TBC1D22A: variants seen among roughly 807,000 people sequenced by gnomAD.
TBC1D22A encodes the protein TBC1 domain family member 22A.
Under a neutral mutation model 60.2 loss-of-function variants are expected in TBC1D22A, and 38 were observed. The ratio of observed to expected loss-of-function variants is 0.63; its 90% CI spans 0.49 to 0.83. The LOEUF (loss-of-function observed/expected upper bound fraction) is 0.83. Among genes scored for constraint, TBC1D22A ranks in the 40% least tolerant of loss-of-function variants. The pLI is 0.00. For missense variants in TBC1D22A, 628 were observed against 701.0 expected (o/e 0.90, Z 1.18); for synonymous variants, 302 against 281.7 (o/e 1.07, Z -0.72).
chr22:46,829,012 A>G (rs896310895), intron 4 of TBC1D22A, among the ~76,000 whole-genome samples: 1 of 152,024 alleles, frequency 6.6e-6, no homozygotes, highest in South Asian at 2.1e-4. Flanking sequence ...ACACTCTCCA[A>G]TGTCACAGGT....
At chr22:46,989,321 T>C (rs2148199395) in intron 9 of TBC1D22A, among the ~76,000 whole-genome samples, 1 of 152,228 alleles carries the variant, frequency 6.6e-6, no homozygotes, top group East Asian at 1.9e-4. Context: ...TCAAGAACTT[T>C]TCCTTTGCAT....
chr22:46,979,467 G>A (rs1397820494), intron 9 of TBC1D22A, among the ~76,000 whole-genome samples: 3 of 152,280 alleles, frequency 2.0e-5, no homozygotes, highest in East Asian at 3.9e-4. Context: ...GAAAGTGTTC[G>A]GTTCAGCTCA....
At chr22:46,804,819 T>C (rs1287548669) in intron 4 of TBC1D22A, among the ~76,000 whole-genome samples, 1 of 152,244 alleles carries the variant, frequency 6.6e-6, no homozygotes, top group Non-Finnish European at 1.5e-5. Context: ...AAGCAAATGC[T>C]AAAAGAGAGT....
At chr22:46,856,413 A>C (rs900919184) in intron 4 of TBC1D22A, among the ~76,000 whole-genome samples, 6 of 152,240 alleles carry the variant, frequency 3.9e-5, no homozygotes, top group African/African-American at 1.4e-4. Context: ...TAATGCTGAA[A>C]GTATAAGAGG....
intron 1 of TBC1D22A, among the ~76,000 whole-genome samples, chr22:46,782,358 T>C (rs1041753262): frequency 6.6e-5 from 10 of 152,208 alleles, no homozygotes; most frequent in African/African-American, 2.2e-4. Flanking sequence ...CAGCCGGACT[T>C]GGACTTATTT....
At chr22:46,789,733 G>T (rs2084325651) in intron 1 of TBC1D22A, among the ~76,000 whole-genome samples, 1 of 152,128 alleles carries the variant, frequency 6.6e-6, no homozygotes, top group South Asian at 2.1e-4. Flanking sequence ...TCAAAGCAGT[G>T]GGTGAAAGGA....
intron 4 of TBC1D22A, among the ~76,000 whole-genome samples, chr22:46,803,242 C>G (rs1359897421): frequency 6.6e-6 from 1 of 152,108 alleles, no homozygotes; most frequent in Non-Finnish European, 1.5e-5. Flanking sequence ...GAGCTCGAGA[C>G]AAGGTTAAAC....
At chr22:46,870,988 TTAAACA>T (rs1270725908) in intron 4 of TBC1D22A, among the ~76,000 whole-genome samples, 2 of 152,168 alleles carry the variant, frequency 1.3e-5, no homozygotes, top group African/African-American at 4.8e-5. Context: ...CACACATGTT[TTAAACA>T]TAAAGACAGG....
chr22:46,946,070 G>A (rs182552334), intron 8 of TBC1D22A, among the ~76,000 whole-genome samples: 275 of 152,320 alleles, frequency 1.8e-3, no homozygotes, highest in African/African-American at 6.4e-3. Context: ...GGCTCTTATC[G>A]TTTCTCCCTT....
intron 4 of TBC1D22A, among the ~76,000 whole-genome samples, chr22:46,840,776 T>G (rs946611752): frequency 2.0e-5 from 3 of 151,574 alleles, no homozygotes; most frequent in Non-Finnish European, 4.4e-5. Context: ...TTCGTGAGAA[T>G]TTGTAGAAAG....
chr22:46,850,795 T>G (rs2087239708), intron 4 of TBC1D22A, among the ~76,000 whole-genome samples: 1 of 152,214 alleles, frequency 6.6e-6, no homozygotes, highest in Admixed American at 6.5e-5. Flanking sequence ...GGGAAACAAT[T>G]CAGTATCTTT....
At chr22:47,018,661 T>C (rs1181313847) in intron 10 of TBC1D22A, among the ~76,000 whole-genome samples, 1 of 152,118 alleles carries the variant, frequency 6.6e-6, no homozygotes, top group African/African-American at 2.4e-5. Context: ...AGGCTTAGGC[T>C]CTAAAGATGC....
intron 1 of TBC1D22A, among the ~76,000 whole-genome samples, chr22:46,775,596 G>T (rs900588890): frequency 4.6e-5 from 7 of 152,166 alleles, no homozygotes; most frequent in African/African-American, 1.4e-4. Flanking sequence ...CTGGTAGAGG[G>T]TTGTTGGCTG....
intron 7 of TBC1D22A, among the ~76,000 whole-genome samples, chr22:46,903,931 GT>G (rs2069195198): frequency 6.6e-6 from 1 of 152,164 alleles, no homozygotes; most frequent in African/African-American, 2.4e-5. Context: ...CCCGCTGCCC[GT>G]GGACGCACCT....
chr22:47,049,468 T>C (rs1441304689), intron 11 of TBC1D22A, among the ~76,000 whole-genome samples: 1 of 152,260 alleles, frequency 6.6e-6, no homozygotes, highest in Admixed American at 6.5e-5. Context: ...TCCTGTTTTC[T>C]AAAGTGTTAA....
intron 11 of TBC1D22A, among the ~76,000 whole-genome samples, chr22:47,063,746 A>C (rs976329664): frequency 6.6e-6 from 1 of 152,116 alleles, no homozygotes; most frequent in Non-Finnish European, 1.5e-5. Flanking sequence ...TCGCTCTGGA[A>C]GCTTCGAGGG....
chr22:47,037,045 T>C, intron 10 of TBC1D22A, 26 bp from the exon 11 acceptor site: 1 of 1,612,286 alleles, frequency 6.2e-7, no homozygotes, highest in Non-Finnish European at 8.5e-7. Flanking sequence ...CCTGACAGCC[T>C]TGGGGCCTGT....
intron 12 of TBC1D22A, among the ~76,000 whole-genome samples, chr22:47,119,834 A>T (rs1179851140): frequency 1.3e-5 from 2 of 152,076 alleles, no homozygotes; most frequent in African/African-American, 2.4e-5. Flanking sequence ...TGTATTTCTC[A>T]CTGTTCTGGA....
chr22:47,169,638 A>T (rs1247041836), intron 12 of TBC1D22A, among the ~76,000 whole-genome samples: 1 of 152,130 alleles, frequency 6.6e-6, no homozygotes, highest in Non-Finnish European at 1.5e-5. Context: ...ACACAGGCTG[A>T]TGGAGAAAGG....
Sources: gnomAD v4.1 joint callset for allele counts (sites outside exome capture counted in the v4.1 genomes callset) on GRCh38, gnomAD v4.1.1 for gene constraint, MANE v1.5 for transcripts, NCBI Gene and HGNC (gene_info 2026-07-23, HGNC 2026-07-21) for gene names.